Variants in PRPF19 observed in about 807,000 individuals in gnomAD.
PRPF19 encodes the protein pre-mRNA processing factor 19.
PRPF19 carries 2 observed loss-of-function variants against 64.2 expected under a neutral mutation model. That is an observed-to-expected ratio of 0.03 (90% CI 0.01 to 0.10). The LOEUF (loss-of-function observed/expected upper bound fraction) is 0.10. Ranked by LOEUF, PRPF19 falls within the 10% of genes least tolerant of loss-of-function variation. PRPF19 has a pLI of 1.00. For synonymous variants in PRPF19, 226 were observed against 251.6 expected, an observed-to-expected ratio of 0.90 and a Z score of 0.96; for missense variants, 314 against 650.0, an observed-to-expected ratio of 0.48 and a Z score of 5.62.
chr11:60,897,632 T>C (rs1855936293), intron 15 of PRPF19: 2 of 465,696 alleles, frequency 4.3e-6, no homozygotes, highest in Non-Finnish European at 7.6e-6. Context: ...ACCTGCCCAA[T>C]GCCACAGGGC....
At chr11:60,895,974 A>G (rs1855915396) in intron 15 of PRPF19, among the ~76,000 whole-genome samples, 1 of 152,200 alleles carries the variant, frequency 6.6e-6, no homozygotes, top group African/African-American at 2.4e-5. Flanking sequence ...ATCAAAGATC[A>G]CTAACGGACA....
rs749879413 is a variant in PRPF19, at chr11:60,899,144, C to T, written c.984+5G>A. Reference sequence around the variant, plus strand: ...GCCTCTCCAGGGCACTGGCTGGGACCGCACCTGATCATCGGAGGAGCTCAG... The same window carrying T: ...GCCTCTCCAGGGCACTGGCTGGGACTGCACCTGATCATCGGAGGAGCTCAG... On this transcript the variant is annotated splice_donor_5th_base_variant and intron_variant, in intron 11 of 15. Coordinates refer to ENST00000227524, the MANE Select transcript of PRPF19 (RefSeq NM_014502.5). The T allele has an allele frequency of 3.1e-5, 50 of 1,609,956 alleles. No individual in the cohort carries two copies. Among genetic ancestry groups the T allele is most frequent in the Middle Eastern group, 1.6e-4 (1 of 6,070 alleles).
At chr11:60,905,787 A>G (rs940679689) in intron 1 of PRPF19, among the ~76,000 whole-genome samples, 1 of 152,240 alleles carries the variant, frequency 6.6e-6, no homozygotes, top group South Asian at 2.1e-4. Flanking sequence ...TTGTAAACCA[A>G]TAAGGGCTTA....
chr11:60,902,479 A>C lies in PRPF19; in HGVS notation c.463-14T>G, dbSNP rs919053464. 5.0e-6 allele frequency: 8 copies of C among 1,613,888 alleles called. No individual in the cohort carries two copies. The highest frequency in any genetic ancestry group is 2.5e-6 in the Non-Finnish European group (3 of 1,179,876). On this transcript the variant is annotated splice_polypyrimidine_tract_variant and intron_variant, in intron 5 of 15. Transcript: ENST00000227524. This position sits in a 1 kb window ranked among gnomAD's most constrained non-coding sequence, Gnocchi z 5.0. ...CTCACCCGCACCCTGAAGAGAAGAA[A>C]GGTGAGGGTGAGAGGCACAGAGCAC...
chr11:60,893,219 C>T (rs981393238), intron 15 of PRPF19, among the ~76,000 whole-genome samples: 1 of 152,118 alleles, frequency 6.6e-6, no homozygotes, highest in Non-Finnish European at 1.5e-5. Context: ...TAGCTAGGCG[C>T]GGTGGCTCAC....
chr11:60,901,449 C>G (rs140263447), intron 7 of PRPF19, 50 bp downstream of exon 7: 4 of 1,613,870 alleles, frequency 2.5e-6, no homozygotes, highest in Non-Finnish European at 1.7e-6. Flanking sequence ...AGGAGTCAAC[C>G]GCCTCCCACC....
In PRPF19 at chr11:60,898,107, G is replaced by A. The variant is rs764808724; in HGVS notation, c.1305C>T (p.Asn435=). The A allele has an allele frequency of 5.0e-6, 8 of 1,614,004 alleles. No homozygotes were observed. The East Asian group carries it at 1.3e-4, about 27-fold the overall frequency. ...KNFKTLQLDN[N]FEVKSLIFDQ... ...CGGAGGGGGAAGGGCACACCTCAAA[G>A]TTGTTATCCAGCTGCAAAGTCTTAA... The change falls in exon 14 of 16, where the codon AAC becomes AAT. Residue 435 remains asparagine (N), a synonymous_variant. Transcript: ENST00000227524. This position sits in a 1 kb window ranked among gnomAD's most constrained non-coding sequence, Gnocchi z 4.6.
At chr11:60,894,165 T>C (rs1466651933) in intron 15 of PRPF19, among the ~76,000 whole-genome samples, 1 of 152,216 alleles carries the variant, frequency 6.6e-6, no homozygotes, top group Non-Finnish European at 1.5e-5. Flanking sequence ...TGACAATTTC[T>C]TAAAATAAGA....
At chr11:60,905,292 A>C (rs1396893599) in intron 1 of PRPF19, 1 of 152,238 alleles carries the variant, frequency 6.6e-6, no homozygotes, top group Non-Finnish European at 1.5e-5. Flanking sequence ...GAACCATGCC[A>C]GGAAGGATGG....
chr11:60,899,312 G>A lies in PRPF19; in HGVS notation c.829-8C>T. The stretch of plus-strand genomic sequence containing the variant: ...AGCAGAAAACACCAGGTCCTACAAG[G>A]AAAACAAAGACAGAATATCAGAGTC... On this transcript the variant is annotated splice_region_variant and splice_polypyrimidine_tract_variant and intron_variant, in intron 10 of 15. Transcript: ENST00000227524. 1.2e-6 allele frequency: 2 copies of A among 1,606,746 alleles called. No individual in the cohort carries two copies. Among genetic ancestry groups the A allele is most frequent in the African/African-American group, 1.3e-5 (1 of 74,846 alleles).
rs770302443 is a variant in PRPF19 at position 60,902,812 on chromosome 11, C to T, written c.316G>A (p.Ala106Thr). 1.2e-6 allele frequency: 2 copies of T among 1,614,070 alleles called. No homozygotes were observed. Among genetic ancestry groups the T allele is most frequent in the African/African-American group, 1.3e-5 (1 of 75,038 alleles). ...LQTTRQELSH[A>T]LYQHDAACRV... ...CAGGCGGCATCGTGCTGGTACAGAGCGTGTGACAGCTCTTGGCGGGTTGTC... is the reference window on the plus strand; with the variant it reads ...CAGGCGGCATCGTGCTGGTACAGAGTGTGTGACAGCTCTTGGCGGGTTGTC... Residue 106 changes from alanine to threonine, a missense_variant, in exon 4 of 16, where the codon GCT (alanine) becomes ACT (threonine). This residue lies in a region of PRPF19 where 17 missense variants were observed against 32.2 expected (regional missense o/e 0.53). Transcript: ENST00000227524. This position sits in a 1 kb window ranked among gnomAD's most constrained non-coding sequence, Gnocchi z 5.0.
At chr11:60,893,639 T>A (rs1232482335) in intron 15 of PRPF19, among the ~76,000 whole-genome samples, 3 of 151,994 alleles carry the variant, frequency 2.0e-5, no homozygotes, top group Non-Finnish European at 2.9e-5. Flanking sequence ...CACACAAATT[T>A]TTTTGGTTTC....
chr11:60,903,605 T>G, intron 2 of PRPF19, 70 bp from the exon 3 acceptor site: 1 of 1,596,714 alleles, frequency 6.3e-7, no homozygotes, highest in Non-Finnish European at 8.6e-7. Context: ...TCTTTTCCTT[T>G]TAGCCATAAA....
In PRPF19 at chr11:60,906,343, T is replaced by C. The variant is rs1015056453; in HGVS notation, c.19+21A>G. ...CTCTCTGGCCTCCTGAGACCCGCGC[T>C]TGGCCGCAGCCAACACTCACTGGAG... On this transcript the variant is annotated intron_variant, in intron 1 of 15. Coordinates refer to ENST00000227524, the MANE Select transcript of PRPF19 (RefSeq NM_014502.5). The C allele has an allele frequency of 5.0e-6, 8 of 1,597,940 alleles. No homozygotes were observed. In the Middle Eastern group the frequency reaches 1.1e-3, roughly 218 times the overall value.
Position 60,903,449 on chromosome 11 carries a change from A to G in PRPF19, c.246+10T>C. ...GTGGGGAAGATGCTGATTCTCTTGC[A>G]GGAACTCACCCACTCATCCTGCAAA... is the stretch of plus-strand genomic sequence containing the variant. On this transcript the variant is annotated intron_variant, in intron 3 of 15. Coordinates refer to ENST00000227524, the MANE Select transcript of PRPF19 (RefSeq NM_014502.5). 1 of 1,610,484 alleles carries G rather than the reference A, an allele frequency of 6.2e-7. No individual in the cohort carries two copies. The highest frequency in any genetic ancestry group is 2.2e-5 in the East Asian group (1 of 44,850).
At chr11:60,904,824 A>G (rs1856025339) in intron 1 of PRPF19, among the ~76,000 whole-genome samples, 1 of 152,234 alleles carries the variant, frequency 6.6e-6, no homozygotes, top group African/African-American at 2.4e-5. Context: ...GCATGATTCA[A>G]TAAATCACTG....
In PRPF19 at chr11:60,903,828, G is replaced by A; in HGVS notation, c.53C>T (p.Ser18Phe). 1 of 1,609,270 alleles carries A rather than the reference G, an allele frequency of 6.2e-7. No individual in the cohort carries two copies. Among genetic ancestry groups the A allele is most frequent in the South Asian group, 1.1e-5 (1 of 90,700 alleles). ...SNEVPEHPCV[S>F]PVSNHVYERR... ...CTCATAAACATGATTAGAGACAGGGGATACACATGGGTGCTCCGGCACTTC... is the reference window on the plus strand; with the variant it reads ...CTCATAAACATGATTAGAGACAGGGAATACACATGGGTGCTCCGGCACTTC... Residue 18 changes from serine (S) to phenylalanine (F), a missense_variant, in exon 2 of 16, where the codon TCC becomes TTC. Around this residue, in one of 7 missense-constraint regions of PRPF19, gnomAD observed 66 missense variants for 88.4 expected, o/e 0.75. Transcript: ENST00000227524.
chr11:60,906,371 G>T lies in PRPF19; in HGVS notation c.12C>A (p.Ile4=). 1 of 1,599,700 alleles carries T rather than the reference G, an allele frequency of 6.3e-7. No homozygotes were observed. The highest frequency in any genetic ancestry group is 8.5e-7 in the Non-Finnish European group (1 of 1,174,812). The stretch of plus-strand genomic sequence containing the variant: ...GCCGCAGCCAACACTCACTGGAGCA[G>T]ATTAGGGACATGGCGCCGTCACCGT... MSL[I]CSISNEVPEH... The change falls in exon 1 of 16, where the codon ATC becomes ATA. Residue 4 remains isoleucine, a synonymous_variant. Coordinates refer to ENST00000227524, the MANE Select transcript of PRPF19 (RefSeq NM_014502.5).
intron 8 of PRPF19, among the ~76,000 whole-genome samples, 156 bp downstream of exon 8, chr11:60,901,139 G>A (rs999191335): frequency 6.6e-6 from 1 of 152,130 alleles, no homozygotes; most frequent in Non-Finnish European, 1.5e-5. Context: ...AGAAAGAGGA[G>A]CCCTGACAAC....
Sources: gnomAD v4.1 joint callset for allele counts (sites outside exome capture counted in the v4.1 genomes callset) on GRCh38, gnomAD v4.1.1 for gene constraint, gnomAD v4.1.1 regional missense constraint, Gnocchi (gnomAD v3.1) non-coding constraint, MANE v1.5 for transcripts, NCBI Gene and HGNC (gene_info 2026-07-23, HGNC 2026-07-21) for gene names.